CFAP299: variants seen among roughly 807,000 people sequenced by gnomAD.
The protein encoded by CFAP299 is cilia and flagella associated protein 299.
A neutral mutation model predicts 27.0 loss-of-function variants in CFAP299; 21 were observed. That is an observed-to-expected ratio of 0.78 (90% CI 0.55 to 1.12). CFAP299 has a LOEUF of 1.12. CFAP299 is among the 50% of genes most tolerant of loss of function. CFAP299 has a pLI of 0.00. For missense variants in CFAP299, 310 were observed against 276.6 expected (o/e 1.12, Z -0.86); for synonymous variants, 104 against 98.1 (o/e 1.06, Z -0.36).
At chr4:80,843,070 A>T (rs1179220479) in intron 3 of CFAP299, among the ~76,000 whole-genome samples, 1 of 150,748 alleles carries the variant, frequency 6.6e-6, no homozygotes, top group Non-Finnish European at 1.5e-5. Context: ...TTCTTTTTTT[A>T]TATATATATA....
In CFAP299 at chr4:80,620,864, T is replaced by C. The variant is rs143331766; in HGVS notation, c.333+37681T>C. ...AGACTGTTGTATACAATGAGAGAAA[T>C]AATGTGTGCCTTTTGAAGTTGGTTT... On this transcript the variant is annotated intron_variant, in intron 3 of 5. Coordinates refer to ENST00000358105, the MANE Select transcript of CFAP299 (RefSeq NM_152770.3). Among the ~76,000 whole-genome samples, 586 of 152,224 alleles carry C rather than the reference T, an allele frequency of 3.8e-3. 4 individuals are homozygous for C. The highest frequency in any genetic ancestry group is 6.1e-3 in the Non-Finnish European group (412 of 67,980).
chr4:80,636,929 A>G (rs1420447161), intron 3 of CFAP299, among the ~76,000 whole-genome samples: 1 of 152,202 alleles, frequency 6.6e-6, no homozygotes, highest in Non-Finnish European at 1.5e-5. Context: ...AGAAAATAAA[A>G]AATTGAAGTT....
chr4:80,376,187 T>C (rs979147625), intron 2 of CFAP299, among the ~76,000 whole-genome samples: 1 of 152,332 alleles, frequency 6.6e-6, no homozygotes, highest in South Asian at 2.1e-4. Flanking sequence ...ATGTTGTCTT[T>C]TTTTCACTAA....
chr4:80,907,353 G>C (rs1735233718), intron 4 of CFAP299, among the ~76,000 whole-genome samples: 2 of 152,210 alleles, frequency 1.3e-5, no homozygotes, highest in South Asian at 2.1e-4. Flanking sequence ...CCTCCAAACT[G>C]TTCCAACCTC....
chr4:80,553,316 A>G (rs1734619586), intron 2 of CFAP299, among the ~76,000 whole-genome samples: 1 of 152,180 alleles, frequency 6.6e-6, no homozygotes, highest in African/African-American at 2.4e-5. Context: ...CCCACAAAAG[A>G]CAGGATCCCA....
At chr4:80,489,113 AT>A (rs1018083384) in intron 2 of CFAP299, among the ~76,000 whole-genome samples, 4 of 149,734 alleles carry the variant, frequency 2.7e-5, no homozygotes, top group African/African-American at 5.0e-5. Flanking sequence ...TCCTCTCTGA[AT>A]TTTTTTTTCT....
intron 3 of CFAP299, among the ~76,000 whole-genome samples, chr4:80,618,165 A>G (rs538217214): frequency 6.6e-6 from 1 of 152,270 alleles, no homozygotes; most frequent in South Asian, 2.1e-4. Flanking sequence ...TCATGGTTGA[A>G]AGTCAAGTCT....
At chr4:80,735,045 A>G (rs1319016167) in intron 3 of CFAP299, among the ~76,000 whole-genome samples, 2 of 152,176 alleles carry the variant, frequency 1.3e-5, no homozygotes, top group Non-Finnish European at 2.9e-5. Flanking sequence ...TTTAGGCAGT[A>G]TGAATATTTT....
At chr4:80,483,071 A>T (rs1271578510) in intron 2 of CFAP299, among the ~76,000 whole-genome samples, 2 of 152,216 alleles carry the variant, frequency 1.3e-5, no homozygotes, top group Non-Finnish European at 2.9e-5. Context: ...TAGGGATAGT[A>T]GTTTGGATTA....
intron 3 of CFAP299, among the ~76,000 whole-genome samples, chr4:80,723,199 A>G (rs1722939416): frequency 6.6e-6 from 1 of 152,210 alleles, no homozygotes; most frequent in Admixed American, 6.5e-5. Context: ...TAGTTTTTAA[A>G]AAGGTTAAAC....
At chr4:80,466,754 CT>C (rs980000354) in intron 2 of CFAP299, among the ~76,000 whole-genome samples, 4 of 152,200 alleles carry the variant, frequency 2.6e-5, no homozygotes, top group African/African-American at 7.2e-5. Context: ...GGCACTGCCC[CT>C]GACTTCAAGT....
chr4:80,691,823 G>A (rs1019154327), intron 3 of CFAP299, among the ~76,000 whole-genome samples: 4 of 152,206 alleles, frequency 2.6e-5, no homozygotes, highest in Non-Finnish European at 4.4e-5. Flanking sequence ...ATCTCTTTAA[G>A]CTGATAAGCA....
At chr4:80,717,815 G>T (rs1578054035) in intron 3 of CFAP299, among the ~76,000 whole-genome samples, 1 of 151,990 alleles carries the variant, frequency 6.6e-6, no homozygotes, top group African/African-American at 2.4e-5. Context: ...CCTCTTAATT[G>T]TAAAGTTACA....
intron 2 of CFAP299, among the ~76,000 whole-genome samples, chr4:80,552,368 C>A (rs1428218888): frequency 2.0e-5 from 3 of 152,080 alleles, no homozygotes; most frequent in Non-Finnish European, 4.4e-5. Flanking sequence ...AGAAAAATGT[C>A]TTTTCCGTGG....
chr4:80,336,988 A>G (rs951346420), intron 1 of CFAP299, among the ~76,000 whole-genome samples: 6 of 152,222 alleles, frequency 3.9e-5, no homozygotes, highest in Non-Finnish European at 5.9e-5. Context: ...TACAGGTTTC[A>G]AAAGTGTTAT....
intron 3 of CFAP299, among the ~76,000 whole-genome samples, chr4:80,864,474 G>A (rs111918066): frequency 0.15 from 21,372 of 144,890 alleles, 1,889 homozygotes; most frequent in Middle Eastern, 0.28. Flanking sequence ...ATATACCTAT[G>A]TGTATACATA....
chr4:80,563,688 T>A (rs993077928), intron 2 of CFAP299, among the ~76,000 whole-genome samples: 2 of 150,792 alleles, frequency 1.3e-5, no homozygotes, highest in African/African-American at 4.9e-5. Context: ...AGGAAAGGAA[T>A]AATAAAGATC....
intron 4 of CFAP299, among the ~76,000 whole-genome samples, chr4:80,893,655 G>T (rs1287058667): frequency 6.9e-6 from 1 of 145,276 alleles, no homozygotes; most frequent in South Asian, 2.2e-4. Flanking sequence ...AAAACTAAAT[G>T]AATACATGCA....
chr4:80,726,011 T>A (rs1425042239), intron 3 of CFAP299, among the ~76,000 whole-genome samples: 1 of 152,206 alleles, frequency 6.6e-6, no homozygotes, highest in Non-Finnish European at 1.5e-5. Flanking sequence ...GTAGAGGACA[T>A]TTGGGCTTCA....
Sources: allele counts gnomAD v4.1 joint callset (sites outside exome capture counted in the v4.1 genomes callset), GRCh38; gene constraint gnomAD v4.1.1; transcripts MANE v1.5; gene names NCBI Gene and HGNC (gene_info 2026-07-23, HGNC 2026-07-21).